KLHL29: variants seen among roughly 807,000 people sequenced by gnomAD.
The protein encoded by KLHL29 is kelch like family member 29, also known as kelch-like protein 29.
Under a neutral mutation model 80.4 loss-of-function variants are expected in KLHL29, and 21 were observed. That is an observed-to-expected ratio of 0.26 (90% CI 0.19 to 0.38). The LOEUF (loss-of-function observed/expected upper bound fraction) is 0.38. Ranked by LOEUF, KLHL29 falls within the 10% of genes least tolerant of loss-of-function variation. KLHL29 has a pLI of 1.00. For missense variants in KLHL29, 867 were observed against 1,223.9 expected, an observed-to-expected ratio of 0.71 and a Z score of 4.35; for synonymous variants, 511 against 526.8, an observed-to-expected ratio of 0.97 and a Z score of 0.41.
In KLHL29 at chr2:23,568,262, T is replaced by C. The variant is rs139140056; in HGVS notation, c.285+5781T>C. 7.9e-4 allele frequency among the ~76,000 whole-genome samples: 121 copies of C among 152,326 alleles called. 1 individual carries two copies. Among genetic ancestry groups the C allele is most frequent in the African/African-American group, 2.9e-3 (120 of 41,580 alleles). On this transcript the variant is annotated intron_variant, in intron 3 of 13. Coordinates refer to ENST00000486442, the MANE Select transcript of KLHL29 (RefSeq NM_052920.2). Reference sequence around the variant, plus strand: ...AGAAGACTTCATTGACTGGAGCCAGTTGTGTATGTAAGTTAGCTTTTGCTG... The same window carrying C: ...AGAAGACTTCATTGACTGGAGCCAGCTGTGTATGTAAGTTAGCTTTTGCTG...
At chr2:23,435,404 G>A (rs540619200) in intron 1 of KLHL29, among the ~76,000 whole-genome samples, 2 of 152,308 alleles carry the variant, frequency 1.3e-5, no homozygotes, top group East Asian at 3.9e-4. Context: ...ATCAGGGAAA[G>A]GCTATAGGCT....
chr2:23,628,762 G>GCCCT (rs1669389625), intron 3 of KLHL29, among the ~76,000 whole-genome samples: 1 of 152,228 alleles, frequency 6.6e-6, no homozygotes, highest in Non-Finnish European at 1.5e-5. Context: ...CCGGCCCATA[G>GCCCT]CCCTGTACAG....
intron 1 of KLHL29, among the ~76,000 whole-genome samples, chr2:23,459,442 A>G (rs534948642): frequency 9.2e-5 from 14 of 152,242 alleles, no homozygotes; most frequent in Non-Finnish European, 1.6e-4. Context: ...AGAATGGAGT[A>G]AAAAAAGAGA....
chr2:23,494,202 T>C (rs894741188), intron 2 of KLHL29, among the ~76,000 whole-genome samples: 14 of 152,370 alleles, frequency 9.2e-5, no homozygotes, highest in Admixed American at 7.2e-4. Context: ...GAGATTGTAC[T>C]GAGGCTCTTT....
chr2:23,668,361 T>TTGAGAGCTTTCCTGAGGAG, intron 5 of KLHL29: 1 of 152,200 alleles, frequency 6.6e-6, no homozygotes, highest in African/African-American at 2.4e-5. Flanking sequence ...GGCTCTGCTT[T>TTGAGAGCTTTCCTGAGGAG]TGAGAGCTTT....
chr2:23,420,424 C>T (rs142693035), intron 1 of KLHL29, among the ~76,000 whole-genome samples: 116 of 152,312 alleles, frequency 7.6e-4, no homozygotes, highest in African/African-American at 2.6e-3. Flanking sequence ...TTACGGGAGG[C>T]GGAATCCCAC....
chr2:23,684,120 C>T lies in KLHL29; in HGVS notation c.941-279C>T, dbSNP rs1030677059. Reference sequence around the variant, plus strand: ...GTCAGTATGGGAATCTCTCCCCCAACCTTTCAATTTCTGGGTTTGATTTTT... The same window carrying T: ...GTCAGTATGGGAATCTCTCCCCCAATCTTTCAATTTCTGGGTTTGATTTTT... On this transcript the variant is annotated intron_variant, in intron 5 of 13. Coordinates refer to ENST00000486442, the MANE Select transcript of KLHL29 (RefSeq NM_052920.2). The surrounding 1 kb of genome is among the most constrained non-coding windows in gnomAD (Gnocchi z 4.4). Among the ~76,000 whole-genome samples, 1 of 152,132 alleles carries T rather than the reference C, an allele frequency of 6.6e-6. No homozygotes were observed. Among genetic ancestry groups the T allele is most frequent in the East Asian group, 1.9e-4 (1 of 5,198 alleles).
intron 1 of KLHL29, among the ~76,000 whole-genome samples, chr2:23,417,852 G>A (rs1183042634): frequency 3.3e-5 from 5 of 152,100 alleles, no homozygotes; most frequent in East Asian, 1.9e-4. Context: ...CTGCCACCAC[G>A]ACCCCCACCC....
intron 3 of KLHL29, among the ~76,000 whole-genome samples, chr2:23,633,756 C>CTGTGTGTGTGTGTGTGTGTGTGTGTGTGT (rs35002083): frequency 2.1e-4 from 31 of 147,122 alleles, no homozygotes; most frequent in Non-Finnish European, 3.9e-4. Flanking sequence ...TCACAGCACT[C>CTGTGTGTGTGTGTGTGTGTGTGTGTGTGT]GTGTGTGTGT....
chr2:23,484,737 G>C (rs1664884129), intron 2 of KLHL29, among the ~76,000 whole-genome samples: 1 of 152,182 alleles, frequency 6.6e-6, no homozygotes, highest in Admixed American at 6.5e-5. Context: ...CTGCCATCTT[G>C]CGCAGGTCCT....
At chr2:23,591,297 G>A (rs1668254399) in intron 3 of KLHL29, among the ~76,000 whole-genome samples, 1 of 152,172 alleles carries the variant, frequency 6.6e-6, no homozygotes, top group South Asian at 2.1e-4. Flanking sequence ...AGACTAAACA[G>A]GACAAGGAAA....
At chr2:23,541,765 CAAAAAACA>C in intron 2 of KLHL29, among the ~76,000 whole-genome samples, 1 of 139,954 alleles carries the variant, frequency 7.1e-6, no homozygotes, top group East Asian at 2.0e-4. Flanking sequence ...AAGCCCAACC[CAAAAAACA>C]AAAAAAAAAA....
chr2:23,640,907 C>T (rs892345180), intron 4 of KLHL29, among the ~76,000 whole-genome samples: 1 of 152,144 alleles, frequency 6.6e-6, no homozygotes, highest in East Asian at 1.9e-4. Context: ...GGTAGTGACC[C>T]GCCATCTTAG....
Position 23,691,847 on chromosome 2 carries a change from CCTT to C in KLHL29, c.1256_1258del (p.Phe419del). The C allele has an allele frequency of 5.8e-6, 9 of 1,551,282 alleles. No homozygotes were observed. Among genetic ancestry groups the C allele is most frequent in the African/African-American group, 1.4e-5 (1 of 73,162 alleles). On this transcript the variant is annotated inframe_deletion, in exon 7 of 14. Transcript: ENST00000486442. ...GCGGCCAGCAAGTTCCAGTTCCACACCTTCTGCAAAGTCTGCGTGTCCTTTCTC... is the reference window on the plus strand; with the variant it reads ...GCGGCCAGCAAGTTCCAGTTCCACACCTGCAAAGTCTGCGTGTCCTTTCTC...
chr2:23,392,109 A>T (rs1384601795), intron 1 of KLHL29, among the ~76,000 whole-genome samples: 1 of 152,194 alleles, frequency 6.6e-6, no homozygotes, highest in Non-Finnish European at 1.5e-5. Flanking sequence ...GAGGGTGAAA[A>T]CAGATAACCT....
chr2:23,525,865 AG>A (rs906749837), intron 2 of KLHL29, among the ~76,000 whole-genome samples: 1 of 152,022 alleles, frequency 6.6e-6, no homozygotes, highest in African/African-American at 2.4e-5. Flanking sequence ...TTGCTGCCCC[AG>A]GCCCCACCTG....
At chr2:23,705,155 C>T (rs974565275) in intron 13 of KLHL29, among the ~76,000 whole-genome samples, 18 of 152,322 alleles carry the variant, frequency 1.2e-4, no homozygotes, top group African/African-American at 2.9e-4. Flanking sequence ...TGGAGCATTG[C>T]GCTCCACTTG....
At chr2:23,430,541 T>C (rs950298564) in intron 1 of KLHL29, among the ~76,000 whole-genome samples, 1 of 152,208 alleles carries the variant, frequency 6.6e-6, no homozygotes, top group African/African-American at 2.4e-5. Context: ...AGAAGGACTC[T>C]CTGGGCCCTC....
intron 2 of KLHL29, among the ~76,000 whole-genome samples, chr2:23,504,062 T>C (rs1328873218): frequency 1.3e-5 from 2 of 151,944 alleles, no homozygotes; most frequent in Non-Finnish European, 2.9e-5. Flanking sequence ...TACTGGGAGC[T>C]CGGGAGGAGG....
Sources: gnomAD v4.1 joint callset for allele counts (sites outside exome capture counted in the v4.1 genomes callset) on GRCh38, gnomAD v4.1.1 for gene constraint, Gnocchi (gnomAD v3.1) non-coding constraint, MANE v1.5 for transcripts, NCBI Gene and HGNC (gene_info 2026-07-23, HGNC 2026-07-21) for gene names.